The following PEX5L variants were observed in gnomAD, a reference collection of about 807,000 sequenced individuals.
PEX5L encodes the protein peroxisomal biogenesis factor 5 like.
Under a neutral mutation model 84.0 loss-of-function variants are expected in PEX5L, and 30 were observed. That is an observed-to-expected ratio of 0.36 (90% CI 0.27 to 0.48). PEX5L has a LOEUF of 0.48. Ranked by LOEUF, PEX5L falls within the 20% of genes least tolerant of loss-of-function variation. PEX5L has a pLI of 0.99. For synonymous variants in PEX5L, 270 were observed against 283.1 expected (o/e 0.95, Z 0.46); for missense variants, 533 against 754.6 (o/e 0.71, Z 3.44).
chr3:180,021,400 A>T (rs377642522), intron 1 of PEX5L, among the ~76,000 whole-genome samples: 208 of 152,270 alleles, frequency 1.4e-3, no homozygotes, highest in African/African-American at 4.8e-3. Context: ...TCAACTGTGG[A>T]ATCAGAGTCC....
chr3:179,842,650 C>T (rs3774236), intron 8 of PEX5L, among the ~76,000 whole-genome samples: 33,374 of 151,678 alleles, frequency 0.22, 3,799 homozygotes, highest in Non-Finnish European at 0.25. Flanking sequence ...TTAACTTCAA[C>T]GAATATACTA....
intron 1 of PEX5L, among the ~76,000 whole-genome samples, chr3:179,972,560 GTTAT>G (rs1785035216): frequency 6.6e-6 from 1 of 151,944 alleles, no homozygotes; most frequent in Non-Finnish European, 1.5e-5. Flanking sequence ...GTAGTTCAAG[GTTAT>G]TTATTTATTT....
At chr3:179,832,319 C>G (rs542150575) in intron 8 of PEX5L, among the ~76,000 whole-genome samples, 4 of 152,136 alleles carry the variant, frequency 2.6e-5, no homozygotes, top group Non-Finnish European at 5.9e-5. Context: ...TACCTGCCAA[C>G]AAACCTTCCT....
chr3:179,976,453 G>A (rs529847915), intron 1 of PEX5L, among the ~76,000 whole-genome samples: 2 of 151,828 alleles, frequency 1.3e-5, no homozygotes, highest in Admixed American at 6.6e-5. Context: ...GGAGGGGTGT[G>A]GGGGGAAGGA....
chr3:179,871,262 C>T (rs527565704), intron 7 of PEX5L, among the ~76,000 whole-genome samples: 1 of 152,128 alleles, frequency 6.6e-6, no homozygotes, highest in East Asian at 1.9e-4. Context: ...ACCACCAGGC[C>T]TGGCTAAATT....
intron 2 of PEX5L, among the ~76,000 whole-genome samples, chr3:179,949,262 T>C (rs1014830954): frequency 6.6e-6 from 1 of 152,220 alleles, no homozygotes; most frequent in Non-Finnish European, 1.5e-5. Flanking sequence ...TATTCCAGCA[T>C]CCAGAGAAAA....
intron 8 of PEX5L, among the ~76,000 whole-genome samples, chr3:179,845,738 C>G (rs1318292054): frequency 6.6e-6 from 1 of 152,234 alleles, no homozygotes; most frequent in Non-Finnish European, 1.5e-5. Flanking sequence ...CTTAACATCT[C>G]TGGATTTCAG....
intron 1 of PEX5L, among the ~76,000 whole-genome samples, chr3:180,024,949 T>C (rs9856007): frequency 0.37 from 55,717 of 151,978 alleles, 12,340 homozygotes; most frequent in African/African-American, 0.64. Context: ...TTCCACATGA[T>C]CTTGGCTGGT....
chr3:179,994,921 CTCCT>C (rs1787720759), intron 1 of PEX5L, among the ~76,000 whole-genome samples: 1 of 151,948 alleles, frequency 6.6e-6, no homozygotes, highest in Non-Finnish European at 1.5e-5. Context: ...CGGACTGGCT[CTCCT>C]TGCTCCTCAG....
At chr3:179,969,591 T>C (rs779721518) in intron 2 of PEX5L, among the ~76,000 whole-genome samples, 1 of 152,116 alleles carries the variant, frequency 6.6e-6, no homozygotes, top group Non-Finnish European at 1.5e-5. Flanking sequence ...TGTTTCAACC[T>C]AGGATTTGCT....
At chr3:179,986,259 G>T (rs903410114) in intron 1 of PEX5L, among the ~76,000 whole-genome samples, 6 of 151,544 alleles carry the variant, frequency 4.0e-5, no homozygotes, top group African/African-American at 1.2e-4. Flanking sequence ...AATTTACCCT[G>T]GGGAGGATGC....
At chr3:180,010,100 C>G (rs550599221) in intron 1 of PEX5L, among the ~76,000 whole-genome samples, 1 of 151,952 alleles carries the variant, frequency 6.6e-6, no homozygotes, top group Non-Finnish European at 1.5e-5. Flanking sequence ...CCCGCCACCA[C>G]GTCTGGCTAC....
At chr3:179,828,775 A>G (rs1731510167) in intron 8 of PEX5L, among the ~76,000 whole-genome samples, 1 of 152,092 alleles carries the variant, frequency 6.6e-6, no homozygotes, top group African/African-American at 2.4e-5. Context: ...TTGGTGGGCT[A>G]ATTTTTGTGT....
intron 1 of PEX5L, among the ~76,000 whole-genome samples, chr3:180,006,664 G>A (rs1788925288): frequency 6.6e-6 from 1 of 152,202 alleles, no homozygotes; most frequent in Non-Finnish European, 1.5e-5. Flanking sequence ...CATGGCTGGG[G>A]AGGCCTCAAA....
chr3:179,861,798 G>C (rs1031568812), intron 7 of PEX5L, among the ~76,000 whole-genome samples: 3 of 149,340 alleles, frequency 2.0e-5, no homozygotes, highest in African/African-American at 7.5e-5. Flanking sequence ...CTCCAGGATT[G>C]TGGCAGCCAA....
intron 2 of PEX5L, among the ~76,000 whole-genome samples, chr3:179,945,326 C>T (rs897220586): frequency 6.6e-6 from 1 of 152,076 alleles, no homozygotes; most frequent in Admixed American, 6.5e-5. Context: ...AGCTGGTGTC[C>T]CTACTGAGAG....
chr3:179,800,778 T>C lies in PEX5L; in HGVS notation c.*1050A>G, dbSNP rs371915693. The C allele has an allele frequency of 2.6e-5, 4 of 152,274 alleles. No homozygotes were observed. The highest frequency in any genetic ancestry group is 9.6e-5 in the African/African-American group (4 of 41,526). The allele number at this position is 152,274 out of a possible 1,614,324, so 9.4% of individuals were successfully genotyped here. ...AGGAAAAAATGTTATTTATCACTCT[T>C]AAGAAATATTATTTAAAATATTTAT... On this transcript the variant is annotated 3_prime_UTR_variant, in exon 15 of 15. Coordinates refer to ENST00000467460, the MANE Select transcript of PEX5L (RefSeq NM_016559.3).
intron 2 of PEX5L, among the ~76,000 whole-genome samples, chr3:179,947,252 A>G (rs1224893442): frequency 6.6e-6 from 1 of 152,210 alleles, no homozygotes; most frequent in East Asian, 1.9e-4. Context: ...AGATTCTGAA[A>G]CTTAAAAGAT....
At chr3:179,868,290 T>C (rs1560459688) in intron 7 of PEX5L, among the ~76,000 whole-genome samples, 1 of 151,982 alleles carries the variant, frequency 6.6e-6, no homozygotes. Flanking sequence ...TTTTCTTCTG[T>C]GAAATGGGGA....
Sources: gnomAD v4.1 joint callset for allele counts (sites outside exome capture counted in the v4.1 genomes callset) on GRCh38, gnomAD v4.1.1 for gene constraint, MANE v1.5 for transcripts, NCBI Gene and HGNC (gene_info 2026-07-23, HGNC 2026-07-21) for gene names.